The following KCNMA1 variants were observed in gnomAD, a reference collection of about 807,000 sequenced individuals.
The protein encoded by KCNMA1 is potassium calcium-activated channel subfamily M alpha 1, also known as Calcium-activated potassium channel subunit alpha-1.
KCNMA1 carries 29 observed loss-of-function variants against 140.0 expected under a neutral mutation model. The observed-to-expected ratio is 0.21, with a 90% CI of 0.15 to 0.28. The LOEUF is 0.28. Among genes scored for constraint, KCNMA1 ranks in the 10% least tolerant of loss-of-function variants. The pLI, the probability that KCNMA1 is intolerant of heterozygous loss-of-function variation, is 1.00. For synonymous variants in KCNMA1, 612 were observed against 611.9 expected, an observed-to-expected ratio of 1.00 and a Z score of 0.00; for missense variants, 880 against 1,602.2, an observed-to-expected ratio of 0.55 and a Z score of 7.70.
At chr10:77,636,979 C>G in intron 1 of KCNMA1, 1 of 1,410,864 alleles carries the variant, frequency 7.1e-7, no homozygotes, top group Admixed American at 3.3e-5. Flanking sequence ...GTCCCCGACC[C>G]CGGCCCCAGC....
Position 77,544,394 on chromosome 10 carries a change from G to A in KCNMA1, c.378+92871C>T, listed in dbSNP as rs972805729. On this transcript the variant is annotated intron_variant, in intron 1 of 27. Coordinates refer to ENST00000286628, the MANE Select transcript of KCNMA1 (RefSeq NM_001161352.2). ...AGCACGGCATCTAGCCCAGGAATCT[G>A]ATTCCTGAATCTCCAAAAATCACTC... 7.2e-5 allele frequency among the ~76,000 whole-genome samples: 11 copies of A among 152,240 alleles called. No homozygotes were observed. The East Asian group carries it at 1.9e-3, about 27-fold the overall frequency.
chr10:77,386,174 C>T (rs1170313241), intron 2 of KCNMA1, among the ~76,000 whole-genome samples: 1 of 152,200 alleles, frequency 6.6e-6, no homozygotes, highest in Non-Finnish European at 1.5e-5. Context: ...TCTTGAGCAG[C>T]TGGAAACACT....
intron 18 of KCNMA1, among the ~76,000 whole-genome samples, chr10:77,011,343 T>G (rs1249047059): frequency 6.6e-6 from 1 of 152,178 alleles, no homozygotes; most frequent in African/African-American, 2.4e-5. Flanking sequence ...AGACAGAATA[T>G]GCCAGAAACA....
chr10:77,423,852 C>T (rs1281885882), intron 1 of KCNMA1, among the ~76,000 whole-genome samples: 2 of 152,188 alleles, frequency 1.3e-5, no homozygotes, highest in African/African-American at 2.4e-5. Context: ...AAGGCAGAGG[C>T]ACCCCGTGGA....
intron 2 of KCNMA1, among the ~76,000 whole-genome samples, chr10:77,254,162 C>T (rs552014254): frequency 9.2e-4 from 140 of 151,972 alleles, no homozygotes; most frequent in African/African-American, 3.3e-3. Flanking sequence ...TTTAACATAT[C>T]CTATACATAA....
In KCNMA1 at chr10:77,482,991, T is replaced by TACACAC. The variant is rs56364046; in HGVS notation, c.379-78974_379-78969dup. On this transcript the variant is annotated intron_variant, in intron 1 of 27. Transcript: ENST00000286628. ...CTCTCTTCTCTCTCTCTCTCTCACA[T>TACACAC]ACACACACACACACACACACACACA... is the stretch of plus-strand genomic sequence containing the variant. 4.5e-3 allele frequency among the ~76,000 whole-genome samples: 575 copies of TACACAC among 126,836 alleles called. 4 individuals carry two copies. The highest frequency in any genetic ancestry group is 8.5e-3 in the South Asian group (29 of 3,414). The allele number at this position is 126,836 out of a possible 152,430, so 83.2% of individuals were successfully genotyped here.
rs117653909 is a variant in KCNMA1 at position 77,581,282 on chromosome 10, C to T, written c.378+55983G>A. Among the ~76,000 whole-genome samples the T allele has an allele frequency of 2.5e-3, 373 of 150,980 alleles. 1 individual carries two copies. The highest frequency in any genetic ancestry group is 4.5e-3 in the Non-Finnish European group (303 of 67,876). On this transcript the variant is annotated intron_variant, in intron 1 of 27. Coordinates refer to ENST00000286628, the MANE Select transcript of KCNMA1 (RefSeq NM_001161352.2). ...TGCTAAAAGCCAAAGCCAGGACAGA[C>T]ACCAGGCTCTGTTTGATACCCAATT... is the stretch of plus-strand genomic sequence containing the variant.
At chr10:77,109,863 A>AGTTACATTGCTAAGG in intron 8 of KCNMA1, among the ~76,000 whole-genome samples, 1 of 152,190 alleles carries the variant, frequency 6.6e-6, no homozygotes. Context: ...CCAGATGCTG[A>AGTTACATTGCTAAGG]GTTACATTGC....
chr10:76,966,337 G>A (rs536640445), intron 20 of KCNMA1, among the ~76,000 whole-genome samples: 28 of 152,294 alleles, frequency 1.8e-4, no homozygotes, highest in African/African-American at 4.1e-4. Context: ...GCATTTGTAC[G>A]TGCAACTATG....
Position 77,391,988 on chromosome 10 carries a change from G to C in KCNMA1, c.540+11874C>G, listed in dbSNP as rs1040522138. On this transcript the variant is annotated intron_variant, in intron 2 of 27. Coordinates refer to ENST00000286628, the MANE Select transcript of KCNMA1 (RefSeq NM_001161352.2). ...CCATCAGCACCCTCTGAAGGCCTTG[G>C]GGGAAAACCTGGGTAAGAAAAGTCT... is the stretch of plus-strand genomic sequence containing the variant. Among the ~76,000 whole-genome samples the C allele has an allele frequency of 2.0e-5, 3 of 151,116 alleles. No individual in the cohort carries two copies. The East Asian group carries it at 5.8e-4, about 29-fold the overall frequency.
chr10:77,445,238 C>A (rs1157765103), intron 1 of KCNMA1, among the ~76,000 whole-genome samples: 1 of 152,104 alleles, frequency 6.6e-6, no homozygotes, highest in Admixed American at 6.5e-5. Context: ...CCAAAGCTGG[C>A]ATGCAGAGCT....
At position 77,637,729 on chromosome 10, in the gene KCNMA1, G is replaced by A; in HGVS notation, c.-87C>T. 7.6e-7 allele frequency: 1 copy of A among 1,316,876 alleles called. No homozygotes were observed. Among genetic ancestry groups the A allele is most frequent in the Non-Finnish European group, 9.6e-7 (1 of 1,045,108 alleles). 81.6% of individuals were successfully genotyped at this position (1,316,876 alleles called of 1,614,324 possible). A position where few individuals can be genotyped will look rare whatever the true frequency, so the allele number is the denominator to read the frequency against. On this transcript the variant is annotated 5_prime_UTR_variant, in exon 1 of 28. Transcript: ENST00000286628. ...CCAAACACCCATCAACAGCCATATT[G>A]CTGCTACTGCTGCCGCCGCCGCCGC...
At chr10:77,018,135 G>A (rs780643776) in intron 17 of KCNMA1, among the ~76,000 whole-genome samples, 1 of 152,062 alleles carries the variant, frequency 6.6e-6, no homozygotes, top group African/African-American at 2.4e-5. Flanking sequence ...TACCTTCCAG[G>A]GTTATTTTGA....
chr10:77,122,493 C>A (rs1254427361), intron 5 of KCNMA1, among the ~76,000 whole-genome samples: 1 of 151,904 alleles, frequency 6.6e-6, no homozygotes, highest in African/African-American at 2.4e-5. Context: ...TGAAAACCGA[C>A]CACGGCGCAG....
intron 20 of KCNMA1, among the ~76,000 whole-genome samples, chr10:76,961,110 G>T (rs115008494): frequency 6.6e-6 from 1 of 151,194 alleles, no homozygotes; most frequent in African/African-American, 2.4e-5. Flanking sequence ...TGATGAATCT[G>T]GGCAAAATAA....
intron 15 of KCNMA1, 111 bp from the exon 16 acceptor site, chr10:77,028,002 C>T: frequency 2.2e-6 from 2 of 928,130 alleles, no homozygotes; most frequent in South Asian, 1.3e-5. Flanking sequence ...CCGAGGGGAT[C>T]CTCATTCCAC....
intron 1 of KCNMA1, among the ~76,000 whole-genome samples, chr10:77,628,170 C>A (rs953448540): frequency 2.0e-5 from 3 of 152,174 alleles, no homozygotes; most frequent in Admixed American, 1.3e-4. Context: ...AGCCCAACAG[C>A]CTGTAGATAA....
intron 9 of KCNMA1, among the ~76,000 whole-genome samples, chr10:77,100,459 G>A (rs1292888919): frequency 6.6e-6 from 1 of 152,196 alleles, no homozygotes; most frequent in African/African-American, 2.4e-5. Context: ...GCAGGCCATT[G>A]TGATGCAACA....
At chr10:77,330,879 T>C (rs1280716489) in intron 2 of KCNMA1, among the ~76,000 whole-genome samples, 1 of 152,272 alleles carries the variant, frequency 6.6e-6, no homozygotes, top group Non-Finnish European at 1.5e-5. Context: ...ATGAAAATAG[T>C]ATTTTCCATT....
Sources: allele counts gnomAD v4.1 joint callset (sites outside exome capture counted in the v4.1 genomes callset), GRCh38; gene constraint gnomAD v4.1.1; transcripts MANE v1.5; gene names NCBI Gene and HGNC (gene_info 2026-07-23, HGNC 2026-07-21).